Variants in CLIP2 observed in about 807,000 individuals in gnomAD.
CLIP2 encodes the protein CAP-Gly domain containing linker protein 2.
CLIP2 carries 41 observed loss-of-function variants against 111.7 expected under a neutral mutation model. That is an observed-to-expected ratio of 0.37 (90% confidence interval 0.29 to 0.48). The LOEUF is 0.48. CLIP2 is among the 20% of genes least tolerant of loss of function. The probability of loss-of-function intolerance (pLI) is 0.99; values close to 1 mark genes in which losing one functional copy is unlikely to be tolerated. For missense variants in CLIP2, 1,160 were observed against 1,422.1 expected (o/e 0.82, Z 2.96); for synonymous variants, 660 against 644.2 (o/e 1.02, Z -0.37).
chr7:74,327,894 G>T (rs1789162213), intron 2 of CLIP2, among the ~76,000 whole-genome samples: 1 of 152,226 alleles, frequency 6.6e-6, no homozygotes, highest in Non-Finnish European at 1.5e-5. Flanking sequence ...GGCCGCTCTT[G>T]CCCTGGGTTC....
chr7:74,316,402 G>A (rs1554729147), intron 1 of CLIP2, among the ~76,000 whole-genome samples: 2 of 151,828 alleles, frequency 1.3e-5, no homozygotes, highest in East Asian at 1.9e-4. Flanking sequence ...GCGCCACCAC[G>A]CCTGGCTAAT....
intron 1 of CLIP2, among the ~76,000 whole-genome samples, chr7:74,305,434 A>G (rs1788450055): frequency 6.7e-6 from 1 of 149,216 alleles, no homozygotes; most frequent in Admixed American, 6.7e-5. Flanking sequence ...TGCAGCCCCT[A>G]CCTCCCCCCA....
intron 1 of CLIP2, among the ~76,000 whole-genome samples, chr7:74,313,306 T>C (rs938340085): frequency 3.3e-5 from 5 of 151,572 alleles, no homozygotes; most frequent in Non-Finnish European, 7.4e-5. Context: ...ACGCCTGTAA[T>C]TCCAGCACTT....
chr7:74,381,794 G>A (rs1238914787), intron 11 of CLIP2, among the ~76,000 whole-genome samples: 1 of 152,154 alleles, frequency 6.6e-6, no homozygotes, highest in Non-Finnish European at 1.5e-5. Context: ...TGTGTATTTA[G>A]CTGGTTTCCG....
intron 13 of CLIP2, among the ~76,000 whole-genome samples, chr7:74,395,779 C>G (rs1279488352): frequency 6.6e-6 from 1 of 152,152 alleles, no homozygotes; most frequent in Non-Finnish European, 1.5e-5. Flanking sequence ...GATGTCACAT[C>G]CATCAAACAG....
intron 2 of CLIP2, among the ~76,000 whole-genome samples, chr7:74,336,057 TTTTTCTTTTCTATTC>T (rs1443634479): frequency 4.2e-4 from 64 of 151,706 alleles, no homozygotes; most frequent in Non-Finnish European, 7.9e-4. Context: ...TCTTTTCTCT[TTTTTCTTTTCTATTC>T]TTTTCTTTTC....
Position 74,339,012 on chromosome 7 carries a change from C to T in CLIP2, c.678+8C>T. 2 of 1,590,584 alleles carry T rather than the reference C, an allele frequency of 1.3e-6. No individual in the cohort carries two copies. Among genetic ancestry groups the T allele is most frequent in the Non-Finnish European group, 1.7e-6 (2 of 1,174,786 alleles). ...CTGGGGGACCGCGTGCTGGTGAGTG[C>T]GGGCAGTACTGGGCTCTGGGCCCAG... On this transcript the variant is annotated splice_region_variant and intron_variant, in intron 3 of 16. Transcript: ENST00000223398.
chr7:74,306,043 T>C (rs6975651), intron 1 of CLIP2, among the ~76,000 whole-genome samples: 1,739 of 152,198 alleles, frequency 0.011, 30 homozygotes, highest in African/African-American at 0.04. Flanking sequence ...CTAGATCCCC[T>C]GCTGCCTTCC....
chr7:74,362,528 C>CTTTTT (rs3044338), intron 7 of CLIP2, among the ~76,000 whole-genome samples: 2,470 of 121,424 alleles, frequency 0.02, 1 homozygote, highest in Non-Finnish European at 0.024. Flanking sequence ...TTTTTCTTTT[C>CTTTTT]TTTTTTTTTT....
At position 74,373,303 on chromosome 7, in the gene CLIP2, G is replaced by T. The variant is rs190887814; in HGVS notation, c.1485+267G>T. ...GCCTGAGGTCAGGAGTTCGAGACCA[G>T]CCTGGCCAACATGGTGAAACCCCAT... On this transcript the variant is annotated intron_variant, in intron 9 of 16. Coordinates refer to ENST00000223398, the MANE Select transcript of CLIP2 (RefSeq NM_003388.5). 3.1e-3 allele frequency among the ~76,000 whole-genome samples: 472 copies of T among 152,208 alleles called. 2 individuals are homozygous for T. The highest frequency in any genetic ancestry group is 4.6e-3 in the Admixed American group (71 of 15,276).
At chr7:74,399,515 A>C (rs1367545129) in intron 14 of CLIP2, among the ~76,000 whole-genome samples, 5 of 124,172 alleles carry the variant, frequency 4.0e-5, no homozygotes, top group Non-Finnish European at 7.9e-5. Flanking sequence ...TCCAGCCTGC[A>C]CAATAGAGTG....
chr7:74,374,706 G>C (rs1790726367), intron 9 of CLIP2, among the ~76,000 whole-genome samples: 1 of 152,110 alleles, frequency 6.6e-6, no homozygotes, highest in South Asian at 2.1e-4. Flanking sequence ...GGGCAAGAGA[G>C]TGAGACTCCA....
chr7:74,347,573 C>T (rs1234850321), intron 3 of CLIP2, among the ~76,000 whole-genome samples: 4 of 152,054 alleles, frequency 2.6e-5, no homozygotes, highest in African/African-American at 9.7e-5. Context: ...CGGCCAAACG[C>T]GCTGTACTCT....
intron 1 of CLIP2, among the ~76,000 whole-genome samples, chr7:74,300,893 C>T (rs1184993383): frequency 6.6e-6 from 1 of 152,164 alleles, no homozygotes; most frequent in Non-Finnish European, 1.5e-5. Flanking sequence ...GATCAACATA[C>T]CAGTGCTGGT....
intron 3 of CLIP2, among the ~76,000 whole-genome samples, chr7:74,353,012 A>G (rs940186256): frequency 6.7e-6 from 1 of 149,248 alleles, no homozygotes; most frequent in Non-Finnish European, 1.5e-5. Flanking sequence ...TTAGCTGGGT[A>G]TGGTGGCACA....
In CLIP2 at chr7:74,322,403, C is replaced by A. The variant is rs954906225; in HGVS notation, c.121+4736C>A. 2.0e-5 allele frequency among the ~76,000 whole-genome samples: 3 copies of A among 151,592 alleles called. No homozygotes were observed. In the South Asian group the frequency reaches 6.2e-4, roughly 32 times the overall value. On this transcript the variant is annotated intron_variant, in intron 2 of 16. Coordinates refer to ENST00000223398, the MANE Select transcript of CLIP2 (RefSeq NM_003388.5). ...GGCAGATCACCTGAGGTCAGGAGTT[C>A]GAGACCAGCCTGGGCAACATGGCGA... is the stretch of plus-strand genomic sequence containing the variant.
At position 74,338,605 on chromosome 7, in the gene CLIP2, C is replaced by T; in HGVS notation, c.279C>T (p.Gly93=). 2 of 1,567,084 alleles carry T rather than the reference C, an allele frequency of 1.3e-6. No homozygotes were observed. The highest frequency in any genetic ancestry group is 1.2e-5 in the South Asian group (1 of 86,172). ...ERVWVNGVKP[G]VVQYLGETQF... is the part of the protein sequence containing the mutation. ...TGTGGGTGAACGGCGTGAAGCCAGG[C>T]GTGGTGCAGTATCTGGGAGAGACGC... Residue 93 remains glycine (G), a synonymous_variant, in exon 3 of 17, where the codon GGC becomes GGT. Coordinates refer to ENST00000223398, the MANE Select transcript of CLIP2 (RefSeq NM_003388.5). The surrounding 1 kb of genome is among the most constrained non-coding windows in gnomAD (Gnocchi z 4.3).
intron 1 of CLIP2, among the ~76,000 whole-genome samples, chr7:74,298,356 G>GTTTTTTTTTTTTTTTTTT (rs35535113): frequency 9.1e-6 from 1 of 109,624 alleles, no homozygotes; most frequent in Non-Finnish European, 1.9e-5. Context: ...CTGCTAATTG[G>GTTTTTTTTTTTTTTTTTT]TTTTTTTTTT....
intron 14 of CLIP2, among the ~76,000 whole-genome samples, chr7:74,398,896 G>A (rs560032844): frequency 6.6e-6 from 1 of 152,356 alleles, no homozygotes; most frequent in African/African-American, 2.4e-5. Flanking sequence ...AGTGCGCAGT[G>A]CTGAGCTCAG....
Sources: allele counts gnomAD v4.1 joint callset (sites outside exome capture counted in the v4.1 genomes callset), GRCh38; gene constraint gnomAD v4.1.1; non-coding constraint Gnocchi (gnomAD v3.1); transcripts MANE v1.5; gene names NCBI Gene and HGNC (gene_info 2026-07-23, HGNC 2026-07-21).